The following NEBL variants were observed in gnomAD, a reference collection of about 807,000 sequenced individuals.
The protein encoded by NEBL is LIM and SH3 protein 2.
NEBL carries 122 observed loss-of-function variants against 140.2 expected under a neutral mutation model. The observed-to-expected ratio is 0.87, with a 90% CI of 0.75 to 1.01. The LOEUF is 1.01. Among genes scored for constraint, NEBL ranks in the 50% least tolerant of loss-of-function variants. NEBL has a pLI of 0.00. For missense variants in NEBL, 1,365 were observed against 1,231.3 expected, an observed-to-expected ratio of 1.11 and a Z score of -1.62; for synonymous variants, 436 against 398.9, an observed-to-expected ratio of 1.09 and a Z score of -1.11.
intron 3 of NEBL, among the ~76,000 whole-genome samples, chr10:21,015,041 C>T (rs1007397237): frequency 1.3e-5 from 2 of 152,212 alleles, no homozygotes; most frequent in African/African-American, 2.4e-5. Flanking sequence ...ATTACACATA[C>T]TCCATTTAAG....
intron 1 of NEBL, among the ~76,000 whole-genome samples, chr10:21,273,523 G>C (rs1464852398): frequency 2.0e-5 from 3 of 152,280 alleles, no homozygotes; most frequent in South Asian, 2.1e-4. Flanking sequence ...CAATTTGTGA[G>C]GCTGTGGTTT....
intron 4 of NEBL, among the ~76,000 whole-genome samples, chr10:20,940,349 G>A (rs11492536): frequency 0.11 from 16,264 of 145,020 alleles, 1,062 homozygotes; most frequent in African/African-American, 0.19. Context: ...GGTACATAAC[G>A]AAATGAAGGC....
At chr10:21,123,424 A>T (rs1272007557) in intron 2 of NEBL, among the ~76,000 whole-genome samples, 1 of 152,222 alleles carries the variant, frequency 6.6e-6, no homozygotes, top group African/African-American at 2.4e-5. Context: ...GCATATTCTT[A>T]AAGTTCTTTA....
chr10:20,871,279 C>A (rs1256369681), intron 5 of NEBL, among the ~76,000 whole-genome samples: 1 of 152,060 alleles, frequency 6.6e-6, no homozygotes, highest in African/African-American at 2.4e-5. Flanking sequence ...TCCTGAGGTC[C>A]AGCCACAATC....
chr10:20,891,452 G>C (rs1847025052), intron 2 of NEBL, among the ~76,000 whole-genome samples: 1 of 152,190 alleles, frequency 6.6e-6, no homozygotes, highest in Non-Finnish European at 1.5e-5. Flanking sequence ...AAGTGTGAGA[G>C]AAAATAGCCT....
At chr10:21,104,295 C>G (rs999228379) in intron 2 of NEBL, among the ~76,000 whole-genome samples, 1 of 152,160 alleles carries the variant, frequency 6.6e-6, no homozygotes, top group African/African-American at 2.4e-5. Flanking sequence ...CAATTGAAAT[C>G]ATGTTAAATA....
At chr10:21,240,939 C>CAA (rs2132264122) in intron 3 of NEBL, among the ~76,000 whole-genome samples, 1 of 151,440 alleles carries the variant, frequency 6.6e-6, no homozygotes, top group Admixed American at 6.6e-5. Flanking sequence ...CACACACACA[C>CAA]ACACACAAAA....
At chr10:20,934,680 C>T (rs1468330221) in intron 4 of NEBL, among the ~76,000 whole-genome samples, 1 of 152,132 alleles carries the variant, frequency 6.6e-6, no homozygotes, top group Admixed American at 6.5e-5. Flanking sequence ...CTGCATGGAA[C>T]AGAGCCCTTT....
In NEBL at chr10:20,785,189, T is replaced by A. The variant is rs1835305158; in HGVS notation, c.*558A>T. The A allele has an allele frequency of 6.2e-6, 1 of 161,146 alleles. No homozygotes were observed. 10.0% of individuals were successfully genotyped at this position (161,146 alleles called of 1,614,324 possible). On this transcript the variant is annotated 3_prime_UTR_variant, in exon 28 of 28. Transcript: ENST00000377122. ...CCTAGGGAACAAGGAAATTTCTCTG[T>A]TTAGTAGAAGTTTCTAGATCCCTAA...
intron 3 of NEBL, among the ~76,000 whole-genome samples, chr10:21,181,022 G>T (rs1467542553): frequency 6.6e-6 from 1 of 152,008 alleles, no homozygotes; most frequent in Non-Finnish European, 1.5e-5. Context: ...AGCATTTTGG[G>T]AGGCCAAGGC....
intron 2 of NEBL, among the ~76,000 whole-genome samples, chr10:21,163,191 C>A (rs972105331): frequency 6.6e-6 from 1 of 152,186 alleles, no homozygotes; most frequent in Admixed American, 6.5e-5. Flanking sequence ...CTCTGAAAGT[C>A]TGCTAGAAAC....
chr10:20,868,203 T>C (rs563692748), intron 7 of NEBL: 1 of 155,196 alleles, frequency 6.4e-6, no homozygotes, highest in Middle Eastern at 3.4e-3. Flanking sequence ...TGCTCTTTGA[T>C]AAGACTTCAA....
intron 4 of NEBL, among the ~76,000 whole-genome samples, chr10:20,956,666 T>C (rs900430894): frequency 3.9e-5 from 6 of 152,208 alleles, no homozygotes; most frequent in Non-Finnish European, 8.8e-5. Context: ...AGCTTTTACA[T>C]AAATGTTTCA....
intron 2 of NEBL, chr10:21,070,080 A>G (rs984987898): frequency 4.7e-5 from 21 of 445,584 alleles, no homozygotes; most frequent in Non-Finnish European, 9.5e-5. Flanking sequence ...GAAGGAAAGA[A>G]TAATACTGTA....
chr10:21,036,871 G>C lies in NEBL; in HGVS notation c.165-16670C>G, dbSNP rs75609245. Reference sequence around the variant, plus strand: ...TCTCCACATCAGACACCAGGTAGGGGGAGCAACACTACTCAAGCGTAGAAT... The same window carrying C: ...TCTCCACATCAGACACCAGGTAGGGCGAGCAACACTACTCAAGCGTAGAAT... On this transcript the variant is annotated intron_variant, in intron 2 of 6. Coordinates refer to the NEBL transcript ENST00000417816. 3.3e-3 allele frequency among the ~76,000 whole-genome samples: 507 copies of C among 152,212 alleles called. 4 individuals carry two copies. Among genetic ancestry groups the C allele is most frequent in the African/African-American group, 0.012 (479 of 41,522 alleles).
At chr10:21,241,188 C>G (rs943525749) in intron 3 of NEBL, among the ~76,000 whole-genome samples, 1 of 151,558 alleles carries the variant, frequency 6.6e-6, no homozygotes, top group Non-Finnish European at 1.5e-5. Context: ...TTATATCTCT[C>G]GAACATGGAA....
At chr10:21,058,342 T>A (rs1835124308) in intron 2 of NEBL, among the ~76,000 whole-genome samples, 2 of 152,212 alleles carry the variant, frequency 1.3e-5, no homozygotes, top group African/African-American at 2.4e-5. Flanking sequence ...TAAGCTAAAC[T>A]TGGCATTAAA....
intron 2 of NEBL, among the ~76,000 whole-genome samples, chr10:20,893,608 G>A (rs1847211640): frequency 6.6e-6 from 1 of 152,174 alleles, no homozygotes. Flanking sequence ...AGAATTCTAA[G>A]CAGTGCAGGC....
intron 2 of NEBL, among the ~76,000 whole-genome samples, chr10:21,156,202 C>G (rs1410656269): frequency 6.6e-6 from 1 of 152,186 alleles, no homozygotes; most frequent in African/African-American, 2.4e-5. Flanking sequence ...CGAGAAGTAG[C>G]TTTGCCCTTT....
Sources: allele counts gnomAD v4.1 joint callset (sites outside exome capture counted in the v4.1 genomes callset), GRCh38; gene constraint gnomAD v4.1.1; transcripts MANE v1.5; gene names NCBI Gene and HGNC (gene_info 2026-07-23, HGNC 2026-07-21).